PDE7B: variants seen among roughly 807,000 people sequenced by gnomAD.
PDE7B encodes phosphodiesterase 7B.
PDE7B carries 29 observed loss-of-function variants against 56.2 expected under a neutral mutation model. That is an observed-to-expected ratio of 0.52 (90% confidence interval 0.38 to 0.70). The LOEUF (loss-of-function observed/expected upper bound fraction) is 0.70, where lower values mean the gene tolerates loss of function less well. Ranked by LOEUF, PDE7B falls within the 30% of genes least tolerant of loss-of-function variation. The pLI is 0.00. For missense variants in PDE7B, 490 were observed against 565.0 expected (o/e 0.87, Z 1.35); for synonymous variants, 197 against 196.9 (o/e 1.00, Z 0.00).
rs78619910 is a variant in PDE7B at position 136,185,443 on chromosome 6, G to A, written c.1046-1593G>A. On this transcript the variant is annotated intron_variant, in intron 11 of 12. Transcript: ENST00000308191. ...TCTGTAAAATGGGGATTATAATAAG[G>A]TTGTTATTTGGATTAAATTAATTAA... is the stretch of plus-strand genomic sequence containing the variant. 1.3e-3 allele frequency among the ~76,000 whole-genome samples: 197 copies of A among 152,194 alleles called. 4 individuals carry two copies. The East Asian group carries it at 0.016, about 12-fold the overall frequency.
chr6:136,030,300 C>A (rs1337352573), intron 2 of PDE7B, among the ~76,000 whole-genome samples: 10 of 152,304 alleles, frequency 6.6e-5, no homozygotes, highest in African/African-American at 2.4e-4. Context: ...TCTTAGTTAC[C>A]CTGGTCTTCC....
chr6:136,115,429 G>T (rs1345790092), intron 3 of PDE7B, among the ~76,000 whole-genome samples: 1 of 151,962 alleles, frequency 6.6e-6, no homozygotes, highest in Non-Finnish European at 1.5e-5. Flanking sequence ...AAGAAACCAG[G>T]AAAACATTGT....
At chr6:136,093,217 G>A (rs148371087) in intron 2 of PDE7B, among the ~76,000 whole-genome samples, 2 of 152,304 alleles carry the variant, frequency 1.3e-5, no homozygotes, top group African/African-American at 4.8e-5. Context: ...ATGCACAGTG[G>A]AGGTCTGACT....
chr6:136,041,477 A>G (rs1019998170), intron 2 of PDE7B, among the ~76,000 whole-genome samples: 8 of 152,272 alleles, frequency 5.3e-5, no homozygotes, highest in African/African-American at 1.4e-4. Flanking sequence ...AACGTCTTCC[A>G]CCATCTTCAG....
intron 1 of PDE7B, among the ~76,000 whole-genome samples, chr6:135,894,090 C>A (rs1583746506): frequency 6.6e-6 from 1 of 152,102 alleles, no homozygotes; most frequent in Non-Finnish European, 1.5e-5. Context: ...AGTAACAAAA[C>A]CTACCATAAA....
chr6:136,132,618 T>C (rs1778137029), intron 3 of PDE7B, among the ~76,000 whole-genome samples: 1 of 152,166 alleles, frequency 6.6e-6, no homozygotes, highest in African/African-American at 2.4e-5. Context: ...TAGTAGGTGC[T>C]CAATATTTTG....
intron 12 of PDE7B, among the ~76,000 whole-genome samples, chr6:136,190,320 A>G (rs1190455753): frequency 6.6e-6 from 1 of 152,166 alleles, no homozygotes; most frequent in Non-Finnish European, 1.5e-5. Context: ...CTATGATCTC[A>G]CAATCTTTAA....
chr6:136,099,284 T>C (rs1777522459), intron 2 of PDE7B, among the ~76,000 whole-genome samples: 1 of 152,228 alleles, frequency 6.6e-6, no homozygotes, highest in Non-Finnish European at 1.5e-5. Context: ...CCTTTGGGTA[T>C]ATACCCAGTA....
intron 8 of PDE7B, chr6:136,165,689 A>C (rs1397651074): frequency 6.6e-6 from 1 of 152,204 alleles, no homozygotes; most frequent in Non-Finnish European, 1.5e-5. Flanking sequence ...GTGAGAAGAT[A>C]GAATGGGGAA....
rs376923102 is a variant in PDE7B, at chr6:136,134,912, T to C, written c.167-12439T>C. Among the ~76,000 whole-genome samples the C allele has an allele frequency of 3.3e-5, 5 of 151,856 alleles. No homozygotes were observed. The East Asian group carries it at 9.7e-4, about 29-fold the overall frequency. ...TCTATTCCATGACTCAAATCAGCCATGTTGGTTTTCCCTTCACTGTCAAGA... is the reference window on the plus strand; with the variant it reads ...TCTATTCCATGACTCAAATCAGCCACGTTGGTTTTCCCTTCACTGTCAAGA... On this transcript the variant is annotated intron_variant, in intron 3 of 12. Coordinates refer to ENST00000308191, the MANE Select transcript of PDE7B (RefSeq NM_018945.4).
intron 3 of PDE7B, among the ~76,000 whole-genome samples, chr6:136,127,157 T>C (rs1220760220): frequency 1.3e-5 from 2 of 152,154 alleles, no homozygotes; most frequent in South Asian, 2.1e-4. Context: ...CATTGAAAAA[T>C]TGAAGGTGAT....
At chr6:136,005,366 A>G (rs1775761026) in intron 2 of PDE7B, among the ~76,000 whole-genome samples, 1 of 152,128 alleles carries the variant, frequency 6.6e-6, no homozygotes, top group East Asian at 1.9e-4. Context: ...GATCTCATTA[A>G]ACTAAAGAGC....
rs140507990 is a variant in PDE7B, at chr6:136,016,491, C to A, written c.82+68967C>A. On this transcript the variant is annotated intron_variant, in intron 2 of 12. Transcript: ENST00000308191. ...ATAAATATTAGCTATTGTTGTATCA[C>A]ACACCTCACTTTATCCTCGCTACAA... 4.6e-5 allele frequency among the ~76,000 whole-genome samples: 7 copies of A among 152,316 alleles called. No individual in the cohort carries two copies. The East Asian group carries it at 1.3e-3, about 29-fold the overall frequency.
At chr6:136,187,824 C>G (rs190568161) in intron 12 of PDE7B, among the ~76,000 whole-genome samples, 10 of 152,314 alleles carry the variant, frequency 6.6e-5, no homozygotes, top group Admixed American at 6.5e-4. Flanking sequence ...TTCTATCACA[C>G]CTTAAGACAC....
At chr6:136,023,053 C>A (rs1776099017) in intron 2 of PDE7B, among the ~76,000 whole-genome samples, 1 of 152,140 alleles carries the variant, frequency 6.6e-6, no homozygotes, top group Non-Finnish European at 1.5e-5. Flanking sequence ...ACTCTAAAAC[C>A]CTTTTTCCCA....
chr6:135,951,037 G>A (rs1367520456), intron 2 of PDE7B, among the ~76,000 whole-genome samples: 1 of 152,096 alleles, frequency 6.6e-6, no homozygotes, highest in Non-Finnish European at 1.5e-5. Context: ...GGTAAATACA[G>A]GTGTACTGCA....
At chr6:135,860,419 A>G (rs1775123514) in intron 1 of PDE7B, among the ~76,000 whole-genome samples, 1 of 152,064 alleles carries the variant, frequency 6.6e-6, no homozygotes, top group South Asian at 2.1e-4. Context: ...ACAGAAAAAC[A>G]GTATTATTTC....
chr6:135,990,620 A>C (rs1051113599), intron 2 of PDE7B, among the ~76,000 whole-genome samples: 11 of 152,166 alleles, frequency 7.2e-5, no homozygotes, highest in Non-Finnish European at 1.5e-4. Context: ...TTTTTTCTGG[A>C]GATATATTGT....
At chr6:136,079,144 G>C (rs928732459) in intron 2 of PDE7B, among the ~76,000 whole-genome samples, 1 of 152,082 alleles carries the variant, frequency 6.6e-6, no homozygotes. Context: ...AAATTGAGGA[G>C]TGTATTGAAT....
Sources: allele counts gnomAD v4.1 joint callset (sites outside exome capture counted in the v4.1 genomes callset), GRCh38; gene constraint gnomAD v4.1.1; transcripts MANE v1.5; gene names NCBI Gene and HGNC (gene_info 2026-07-23, HGNC 2026-07-21).